Variants in ADARB2 observed in about 807,000 individuals in gnomAD.
ADARB2 encodes the protein adenosine deaminase RNA specific B2 (inactive).
ADARB2 carries 25 observed loss-of-function variants against 62.2 expected under a neutral mutation model. The ratio of observed to expected loss-of-function variants is 0.40; its 90% CI spans 0.29 to 0.56. The LOEUF (loss-of-function observed/expected upper bound fraction) is 0.56, where lower values mean the gene tolerates loss of function less well. ADARB2 is among the 20% of genes least tolerant of loss of function. The probability of loss-of-function intolerance (pLI) is 0.43; values close to 1 mark genes in which losing one functional copy is unlikely to be tolerated. For missense variants in ADARB2, 1,071 were observed against 1,077.4 expected (o/e 0.99, Z 0.08); for synonymous variants, 572 against 500.8 (o/e 1.14, Z -1.90).
rs1491569291 is a variant in ADARB2 at position 1,640,650 on chromosome 10, A to AC, written c.100+96400_100+96401insG. On this transcript the variant is annotated intron_variant, in intron 1 of 9. Coordinates refer to ENST00000381312, the MANE Select transcript of ADARB2 (RefSeq NM_018702.4). The stretch of plus-strand genomic sequence containing the variant: ...TTGCCTGGGAGACACACACACACAC[A>AC]AAAACACACACACAGACACAAAAAC... Among the ~76,000 whole-genome samples, 320 of 151,696 alleles carry AC rather than the reference A, an allele frequency of 2.1e-3. 1 individual carries two copies. The highest frequency in any genetic ancestry group is 6.0e-3 in the African/African-American group (251 of 41,510).
chr10:1,576,885 C>T (rs1469896313), intron 1 of ADARB2, among the ~76,000 whole-genome samples: 2 of 152,168 alleles, frequency 1.3e-5, no homozygotes, highest in African/African-American at 2.4e-5. Flanking sequence ...GCTGCTTGCC[C>T]TCTCCAAGCC....
intron 1 of ADARB2, among the ~76,000 whole-genome samples, chr10:1,549,584 TCAAA>T (rs1186670307): frequency 1.3e-5 from 2 of 151,040 alleles, no homozygotes; most frequent in African/African-American, 2.4e-5. Context: ...CCACGCATGG[TCAAA>T]CAGTTTAAAT....
intron 1 of ADARB2, among the ~76,000 whole-genome samples, chr10:1,679,174 G>A (rs554069696): frequency 6.6e-6 from 1 of 152,164 alleles, no homozygotes; most frequent in Non-Finnish European, 1.5e-5. Context: ...GAGAGAAAAG[G>A]CATCGAGGAG....
chr10:1,660,968 C>A lies in ADARB2; in HGVS notation c.100+76083G>T, dbSNP rs74208645. On this transcript the variant is annotated intron_variant, in intron 1 of 9. Coordinates refer to ENST00000381312, the MANE Select transcript of ADARB2 (RefSeq NM_018702.4). ...CATTCCAACCCTGAGATAAACCCCC[C>A]CTCTGACCAGAAACATGCCAACCCT... Among the ~76,000 whole-genome samples the A allele has an allele frequency of 4.5e-3, 680 of 152,270 alleles. 11 individuals are homozygous for A. The East Asian group carries it at 0.062, about 14-fold the overall frequency.
chr10:1,301,037 G>T (rs1331094633), intron 3 of ADARB2, among the ~76,000 whole-genome samples: 1 of 152,176 alleles, frequency 6.6e-6, no homozygotes, highest in Non-Finnish European at 1.5e-5. Flanking sequence ...AAAAACCACT[G>T]GTTCTGAGAG....
chr10:1,591,655 G>GCACACA lies in ADARB2; in HGVS notation c.100+145395_100+145396insTGTGTG, dbSNP rs113613762. On this transcript the variant is annotated intron_variant, in intron 1 of 9. Coordinates refer to ENST00000381312, the MANE Select transcript of ADARB2 (RefSeq NM_018702.4). ...GAATCTCTCTTACACACAGAGGCGT[G>GCACACA]CACGCACACACACACACACACACGC... 8.7e-3 allele frequency among the ~76,000 whole-genome samples: 758 copies of GCACACA among 87,014 alleles called. 1 individual carries two copies. The highest frequency in any genetic ancestry group is 0.028 in the South Asian group (104 of 3,764). The allele number at this position is 87,014 out of a possible 152,430, so 57.1% of individuals were successfully genotyped here.
chr10:1,505,769 C>A (rs1264884308), intron 1 of ADARB2, among the ~76,000 whole-genome samples: 1 of 152,058 alleles, frequency 6.6e-6, no homozygotes, highest in Non-Finnish European at 1.5e-5. Flanking sequence ...CCTCCCCATG[C>A]CCGTGGTTCT....
At chr10:1,550,839 G>A (rs1186587758) in intron 1 of ADARB2, among the ~76,000 whole-genome samples, 2 of 149,472 alleles carry the variant, frequency 1.3e-5, no homozygotes, top group African/African-American at 2.4e-5. Flanking sequence ...TCCGCCTAAC[G>A]GTCCCCGCGC....
At chr10:1,431,511 G>A (rs1830777718) in intron 1 of ADARB2, among the ~76,000 whole-genome samples, 1 of 152,056 alleles carries the variant, frequency 6.6e-6, no homozygotes, top group African/African-American at 2.4e-5. Flanking sequence ...CATTAGAAAT[G>A]AAGAAAGGTC....
At chr10:1,489,629 CT>C (rs1416583911) in intron 1 of ADARB2, among the ~76,000 whole-genome samples, 1 of 152,162 alleles carries the variant, frequency 6.6e-6, no homozygotes, top group East Asian at 1.9e-4. Context: ...ATGGCAAATG[CT>C]TTTGAGTAAC....
intron 8 of ADARB2, among the ~76,000 whole-genome samples, chr10:1,196,415 A>G (rs7074332): frequency 0.77 from 116,217 of 151,798 alleles, 45,234 homozygotes; most frequent in East Asian, 1. Context: ...CAATTTCTCG[A>G]TGTTGGATAC....
At chr10:1,310,917 A>G (rs191848295) in intron 3 of ADARB2, among the ~76,000 whole-genome samples, 186 of 152,344 alleles carry the variant, frequency 1.2e-3, no homozygotes, top group African/African-American at 4.3e-3. Flanking sequence ...AAGAATGCAA[A>G]TTACGTATAT....
intron 3 of ADARB2, among the ~76,000 whole-genome samples, chr10:1,328,385 A>G (rs113147472): frequency 0.038 from 5,725 of 152,230 alleles, 110 homozygotes; most frequent in South Asian, 0.064. Flanking sequence ...AGGGTGGAAA[A>G]GTGGGTTTAG....
intron 1 of ADARB2, among the ~76,000 whole-genome samples, chr10:1,700,217 G>T (rs796175394): frequency 3.5e-4 from 4 of 11,490 alleles, no homozygotes; most frequent in African/African-American, 1.0e-3. Flanking sequence ...GCCAATACAC[G>T]CAATCCCACT....
At chr10:1,311,472 A>C (rs1020921930) in intron 3 of ADARB2, among the ~76,000 whole-genome samples, 1 of 152,120 alleles carries the variant, frequency 6.6e-6, no homozygotes, top group African/African-American at 2.4e-5. Context: ...TCTTCCGGGA[A>C]ATGAAAAAAA....
At chr10:1,210,574 C>T (rs539118588) in intron 7 of ADARB2, among the ~76,000 whole-genome samples, 3 of 152,360 alleles carry the variant, frequency 2.0e-5, no homozygotes, top group South Asian at 4.1e-4. Flanking sequence ...AAGTCGTCTG[C>T]GTGGCACGTC....
intron 1 of ADARB2, among the ~76,000 whole-genome samples, chr10:1,611,397 G>A (rs1440054506): frequency 6.6e-6 from 1 of 152,168 alleles, no homozygotes; most frequent in African/African-American, 2.4e-5. Context: ...TGATCCAAGG[G>A]GGAAATTCAC....
intron 1 of ADARB2, among the ~76,000 whole-genome samples, chr10:1,601,594 T>G (rs1048376492): frequency 6.6e-6 from 1 of 152,230 alleles, no homozygotes; most frequent in African/African-American, 2.4e-5. Flanking sequence ...CTTGGCATGC[T>G]GTACACACGT....
At chr10:1,677,737 T>C (rs1834485242) in intron 1 of ADARB2, among the ~76,000 whole-genome samples, 1 of 152,196 alleles carries the variant, frequency 6.6e-6, no homozygotes, top group African/African-American at 2.4e-5. Flanking sequence ...GGGGAGCAGC[T>C]GTGCCCATGG....
Sources: gnomAD v4.1 joint callset for allele counts (sites outside exome capture counted in the v4.1 genomes callset) on GRCh38, gnomAD v4.1.1 for gene constraint, MANE v1.5 for transcripts, NCBI Gene and HGNC (gene_info 2026-07-23, HGNC 2026-07-21) for gene names.